The following PNPLA3 variants were observed in gnomAD, a reference collection of about 807,000 sequenced individuals.
PNPLA3 encodes the protein patatin like domain 3, 1-acylglycerol-3-phosphate O-acyltransferase.
A neutral mutation model predicts 43.1 loss-of-function variants in PNPLA3; 42 were observed. That is an observed-to-expected ratio of 0.97 (90% confidence interval 0.76 to 1.26). The LOEUF is 1.26. PNPLA3 is among the 50% of genes most tolerant of loss of function. The pLI is 0.00. For synonymous variants in PNPLA3, 272 were observed against 253.6 expected, an observed-to-expected ratio of 1.07 and a Z score of -0.69; for missense variants, 647 against 621.4, an observed-to-expected ratio of 1.04 and a Z score of -0.44.
chr22:43,943,684 G>T (rs2050045252), intron 7 of PNPLA3, among the ~76,000 whole-genome samples: 1 of 152,204 alleles, frequency 6.6e-6, no homozygotes, highest in African/African-American at 2.4e-5. Flanking sequence ...ACATAGGGTG[G>T]TTGCATGCTG....
chr22:43,932,964 C>G lies in PNPLA3; in HGVS notation c.573C>G (p.Tyr191Ter). 1 of 1,614,082 alleles carries G rather than the reference C, an allele frequency of 6.2e-7. No homozygotes were observed. Among genetic ancestry groups the G allele is most frequent in the Non-Finnish European group, 8.5e-7 (1 of 1,179,978 alleles). Residue 191 changes from tyrosine to a stop codon, truncating the protein, a stop_gained, in exon 4 of 9, where the codon TAC (tyrosine) becomes TAG (stop). Coordinates refer to ENST00000216180, the MANE Select transcript of PNPLA3 (RefSeq NM_025225.3). LOFTEE classifies it high-confidence loss of function. ...CCGTGTCCCCCTTCTATGGGGAGTA[C>G]GACATCTGCCCTAAAGTCAAGTCCA... is the stretch of plus-strand genomic sequence containing the variant. Reference protein sequence around the residue: ...TITVSPFYGEYDICPKVKSTN... With the variant: ...TITVSPFYGE
intron 3 of PNPLA3, among the ~76,000 whole-genome samples, chr22:43,929,883 C>T (rs1011128464): frequency 4.6e-5 from 7 of 152,174 alleles, no homozygotes; most frequent in African/African-American, 1.4e-4. Context: ...AGGCGTGAGC[C>T]ATGGTGCCCG....
intron 2 of PNPLA3, 137 bp from the exon 3 acceptor site, chr22:43,928,687 G>T: frequency 5.2e-6 from 2 of 382,366 alleles, no homozygotes; most frequent in South Asian, 2.6e-5. Flanking sequence ...CCGTTCTTTT[G>T]ACCCATGGAT....
At chr22:43,943,098 T>C (rs2050041944) in intron 7 of PNPLA3, among the ~76,000 whole-genome samples, 1 of 152,214 alleles carries the variant, frequency 6.6e-6, no homozygotes. Flanking sequence ...GTTTTTACTT[T>C]CAGCAAATAT....
At position 43,934,602 on chromosome 22, in the gene PNPLA3, A is replaced by C; in HGVS notation, c.697-4A>C. 1 of 1,613,190 alleles carries C rather than the reference A, an allele frequency of 6.2e-7. No homozygotes were observed. The highest frequency in any genetic ancestry group is 1.1e-5 in the South Asian group (1 of 91,044). Reference sequence around the variant, plus strand: ...TGTAGTCCCCTTGCTTGCTTTGCTCACAGGTGCTGGGAGAGATATGCCTTC... The same window carrying C: ...TGTAGTCCCCTTGCTTGCTTTGCTCCCAGGTGCTGGGAGAGATATGCCTTC... On this transcript the variant is annotated splice_polypyrimidine_tract_variant and splice_region_variant and intron_variant, in intron 4 of 8. Transcript: ENST00000216180.
At position 43,928,216 on chromosome 22, in the gene PNPLA3, C is replaced by T. The variant is rs557823336; in HGVS notation, c.421-608C>T. On this transcript the variant is annotated intron_variant, in intron 2 of 8. Transcript: ENST00000216180. Reference sequence around the variant, plus strand: ...CAGCCAGTTGCATCCTCTGTTTAACCTTGTTTGCGGAAGCTTTCTCTAAAC... The same window carrying T: ...CAGCCAGTTGCATCCTCTGTTTAACTTTGTTTGCGGAAGCTTTCTCTAAAC... Among the ~76,000 whole-genome samples, 7 of 152,360 alleles carry T rather than the reference C, an allele frequency of 4.6e-5. No homozygotes were observed. In the South Asian group the frequency reaches 1.4e-3, roughly 32 times the overall value.
chr22:43,944,322 G>A (rs1040510717), intron 7 of PNPLA3, among the ~76,000 whole-genome samples: 3 of 152,194 alleles, frequency 2.0e-5, no homozygotes, highest in African/African-American at 4.8e-5. Flanking sequence ...TGGTGCCTCT[G>A]CTGGGCTCAC....
chr22:43,937,949 G>C (rs2050006536), intron 6 of PNPLA3, among the ~76,000 whole-genome samples: 1 of 152,170 alleles, frequency 6.6e-6, no homozygotes, highest in African/African-American at 2.4e-5. Context: ...GAGGAGATTA[G>C]GTCATGAGGA....
intron 5 of PNPLA3, among the ~76,000 whole-genome samples, chr22:43,934,908 T>C (rs1362568027): frequency 6.6e-6 from 1 of 151,964 alleles, no homozygotes; most frequent in East Asian, 1.9e-4. Context: ...AGAGCCGAGA[T>C]TTGAACTGGG....
rs574599866 is a variant in PNPLA3 at position 43,940,707 on chromosome 22, G to A, written c.1112+582G>A. Among the ~76,000 whole-genome samples, 9 of 152,236 alleles carry A rather than the reference G, an allele frequency of 5.9e-5. No individual in the cohort carries two copies. In the East Asian group the frequency reaches 1.7e-3, roughly 29 times the overall value. On this transcript the variant is annotated intron_variant, in intron 7 of 8. Coordinates refer to ENST00000216180, the MANE Select transcript of PNPLA3 (RefSeq NM_025225.3). ...GCCTGTACTCCCAGCTACTTGGAAGGCTGGGGCAGAAGAATCGCTTGAGCC... is the reference window on the plus strand; with the variant it reads ...GCCTGTACTCCCAGCTACTTGGAAGACTGGGGCAGAAGAATCGCTTGAGCC...
At chr22:43,934,477 C>A in intron 4 of PNPLA3, 129 bp from the exon 5 acceptor site, 1 of 898,366 alleles carries the variant, frequency 1.1e-6, no homozygotes, top group Non-Finnish European at 1.8e-6. Flanking sequence ...CCAGGTGGCT[C>A]AGTGCCCCCA....
rs149867592 is a variant in PNPLA3 at position 43,931,373 on chromosome 22, A to G, written c.487-1505A>G. 5.3e-5 allele frequency among the ~76,000 whole-genome samples: 8 copies of G among 152,286 alleles called. No homozygotes were observed. The East Asian group carries it at 1.5e-3, about 29-fold the overall frequency. On this transcript the variant is annotated intron_variant, in intron 3 of 8. Coordinates refer to ENST00000216180, the MANE Select transcript of PNPLA3 (RefSeq NM_025225.3). The stretch of plus-strand genomic sequence containing the variant: ...AAAACATTACTATAAAAAAGTTCAA[A>G]ATGCATGGAAAAGTTGTACATGGCA...
At chr22:43,934,903 C>G (rs920785836) in intron 5 of PNPLA3, among the ~76,000 whole-genome samples, 5 of 152,076 alleles carry the variant, frequency 3.3e-5, no homozygotes, top group African/African-American at 1.2e-4. Context: ...GGGGCAGAGC[C>G]GAGATTTGAA....
chr22:43,945,191 G>A (rs1348794670), intron 8 of PNPLA3, among the ~76,000 whole-genome samples: 1 of 152,224 alleles, frequency 6.6e-6, no homozygotes, highest in Non-Finnish European at 1.5e-5. Context: ...CAGGAAGGAG[G>A]TGGGACCCTG....
At chr22:43,945,726 T>C (rs4823181) in intron 8 of PNPLA3, among the ~76,000 whole-genome samples, 31,066 of 151,920 alleles carry the variant, frequency 0.2, 3,707 homozygotes, top group East Asian at 0.4. Flanking sequence ...GCAGGGACGA[T>C]CTGTAGACCG....
intron 2 of PNPLA3, among the ~76,000 whole-genome samples, chr22:43,928,448 T>C (rs1202046326): frequency 6.6e-6 from 1 of 152,152 alleles, no homozygotes; most frequent in Non-Finnish European, 1.5e-5. Context: ...GCAGAATCTC[T>C]GGTTCCACAG....
chr22:43,933,507 C>A (rs1165534155), intron 4 of PNPLA3, among the ~76,000 whole-genome samples: 1 of 152,168 alleles, frequency 6.6e-6, no homozygotes, highest in Non-Finnish European at 1.5e-5. Context: ...CCACCTCAGC[C>A]TCCTAAGGAG....
intron 6 of PNPLA3, among the ~76,000 whole-genome samples, chr22:43,938,606 T>G (rs4823177): frequency 6.6e-6 from 1 of 151,972 alleles, no homozygotes; most frequent in Non-Finnish European, 1.5e-5. Context: ...TGAGAACACA[T>G]TCACTATCAA....
intron 4 of PNPLA3, 147 bp downstream of exon 4, chr22:43,933,234 A>G (rs2049973386): frequency 9.1e-6 from 7 of 765,168 alleles, no homozygotes; most frequent in South Asian, 9.0e-5. Flanking sequence ...CGCTTGTCCC[A>G]GAAGCTCAGG....
Sources: gnomAD v4.1 joint callset for allele counts (sites outside exome capture counted in the v4.1 genomes callset) on GRCh38, gnomAD v4.1.1 for gene constraint, MANE v1.5 for transcripts, NCBI Gene and HGNC (gene_info 2026-07-23, HGNC 2026-07-21) for gene names.